Variants in DOCK9 observed in about 807,000 individuals in gnomAD.
DOCK9 encodes dedicator of cytokinesis 9, also known as dedicator of cytokinesis protein 9.
A neutral mutation model predicts 263.3 loss-of-function variants in DOCK9; 89 were observed. The ratio of observed to expected loss-of-function variants is 0.34; its 90% CI spans 0.28 to 0.40. DOCK9 has a LOEUF of 0.40. DOCK9 is among the 10% of genes least tolerant of loss of function. DOCK9 has a pLI of 1.00. For missense variants in DOCK9, 2,140 were observed against 2,603.4 expected, an observed-to-expected ratio of 0.82 and a Z score of 3.87; for synonymous variants, 976 against 973.1, an observed-to-expected ratio of 1.00 and a Z score of -0.06.
chr13:99,033,431 G>A (rs1887552429), intron 1 of DOCK9, among the ~76,000 whole-genome samples: 1 of 152,216 alleles, frequency 6.6e-6, no homozygotes, highest in South Asian at 2.1e-4. Flanking sequence ...TCATGCATGA[G>A]CGGGAATGCC....
chr13:98,932,353 C>A (rs1450150893), intron 2 of DOCK9, among the ~76,000 whole-genome samples: 5 of 152,144 alleles, frequency 3.3e-5, no homozygotes, highest in Non-Finnish European at 7.3e-5. Flanking sequence ...CAAGATGGTG[C>A]CACTGCATTC....
In DOCK9 at chr13:98,818,279, G is replaced by A. The variant is rs73555156; in HGVS notation, c.5130+6119C>T. Among the ~76,000 whole-genome samples, 1,180 of 152,234 alleles carry A rather than the reference G, an allele frequency of 7.8e-3. 21 individuals carry two copies. Among genetic ancestry groups the A allele is most frequent in the African/African-American group, 0.027 (1,129 of 41,532 alleles). ...GAATAGAAATAACTGGTAATCAACC[G>A]GCAGTTCAGTTTGAGAGACCATACA... On this transcript the variant is annotated intron_variant, in intron 45 of 52. Transcript: ENST00000682017.
chr13:98,846,478 C>A (rs745399896), intron 37 of DOCK9: 2 of 1,325,904 alleles, frequency 1.5e-6, no homozygotes, highest in South Asian at 2.3e-5. Flanking sequence ...AACAAACATG[C>A]AAAGGAAGGG....
At chr13:98,988,592 C>A (rs1350859997) in intron 1 of DOCK9, among the ~76,000 whole-genome samples, 2 of 152,192 alleles carry the variant, frequency 1.3e-5, no homozygotes, top group Non-Finnish European at 2.9e-5. Flanking sequence ...AAAATCAACA[C>A]CCATTTTTAA....
chr13:98,909,639 C>T (rs2049691064), intron 9 of DOCK9, among the ~76,000 whole-genome samples: 2 of 152,184 alleles, frequency 1.3e-5, no homozygotes, highest in Admixed American at 1.3e-4. Flanking sequence ...ATCCTCTTCA[C>T]AAAGGAGGCC....
At chr13:98,815,946 G>T (rs1594285160) in intron 45 of DOCK9, among the ~76,000 whole-genome samples, 2 of 152,162 alleles carry the variant, frequency 1.3e-5, no homozygotes, top group South Asian at 4.2e-4. Flanking sequence ...TAATAATCTG[G>T]TGCAATTTTA....
chr13:99,001,551 G>A (rs925940701), intron 1 of DOCK9, among the ~76,000 whole-genome samples: 14 of 152,330 alleles, frequency 9.2e-5, no homozygotes, highest in Non-Finnish European at 8.8e-5. Context: ...CAGAAGGCAC[G>A]CCTTAGGTGT....
chr13:98,843,503 G>A (rs1208292287), intron 38 of DOCK9, among the ~76,000 whole-genome samples: 1 of 152,174 alleles, frequency 6.6e-6, no homozygotes, highest in Non-Finnish European at 1.5e-5. Flanking sequence ...AATGAGAATT[G>A]GAGATGTAAA....
Position 98,898,278 on chromosome 13 carries a change from T to G in DOCK9, c.1504-17A>C. On this transcript the variant is annotated splice_polypyrimidine_tract_variant and intron_variant, in intron 13 of 52. Transcript: ENST00000682017. The stretch of plus-strand genomic sequence containing the variant: ...CTGGGCCACCTTGAAGACATGAGAA[T>G]AAAGCTATGAGATACTGCATCTCAC... The G allele has an allele frequency of 1.2e-6, 2 of 1,600,616 alleles. No homozygotes were observed. Among genetic ancestry groups the G allele is most frequent in the Non-Finnish European group, 1.7e-6 (2 of 1,170,766 alleles).
At chr13:98,850,250 G>A (rs923379257) in intron 35 of DOCK9, 137 bp from the exon 36 acceptor site, 25 of 561,786 alleles carry the variant, frequency 4.5e-5, no homozygotes, top group African/African-American at 2.6e-4. Flanking sequence ...CCCTTCCCCT[G>A]CCCTCTTTTA....
At chr13:99,013,592 G>A (rs1392669229) in intron 1 of DOCK9, among the ~76,000 whole-genome samples, 1 of 152,168 alleles carries the variant, frequency 6.6e-6, no homozygotes, top group Non-Finnish European at 1.5e-5. Context: ...GGGGTCACAG[G>A]AGCCTCACTG....
At chr13:98,916,532 C>T (rs970707012) in intron 7 of DOCK9, among the ~76,000 whole-genome samples, 10 of 152,174 alleles carry the variant, frequency 6.6e-5, no homozygotes, top group Admixed American at 2.0e-4. Flanking sequence ...ACAGGGCAAC[C>T]CTCCCAAAAG....
chr13:98,943,156 G>T (rs1439444837), intron 2 of DOCK9, among the ~76,000 whole-genome samples: 1 of 152,210 alleles, frequency 6.6e-6, no homozygotes, highest in African/African-American at 2.4e-5. Flanking sequence ...TCAGCTCCTG[G>T]GCTGCCATCC....
intron 1 of DOCK9, among the ~76,000 whole-genome samples, chr13:99,014,554 A>G (rs1389965090): frequency 6.6e-6 from 1 of 152,176 alleles, no homozygotes; most frequent in East Asian, 1.9e-4. Context: ...ATGGCATGCC[A>G]ATACCCCCTT....
chr13:98,867,200 T>C, intron 30 of DOCK9: 1 of 569,930 alleles, frequency 1.8e-6, no homozygotes, highest in Non-Finnish European at 3.1e-6. Flanking sequence ...GATTTTTCAA[T>C]GAAATAGCCA....
At chr13:99,033,234 A>G (rs1887532572) in intron 1 of DOCK9, among the ~76,000 whole-genome samples, 1 of 152,242 alleles carries the variant, frequency 6.6e-6, no homozygotes, top group Non-Finnish European at 1.5e-5. Context: ...GAGAAGGCAA[A>G]AAACAAATAT....
chr13:98,812,340 A>T (rs1411101900), intron 45 of DOCK9, among the ~76,000 whole-genome samples: 2 of 151,148 alleles, frequency 1.3e-5, no homozygotes, highest in Non-Finnish European at 2.9e-5. Flanking sequence ...GGATTTGACA[A>T]CTCACAGTCT....
chr13:98,900,862 A>G (rs1346195346), intron 13 of DOCK9, among the ~76,000 whole-genome samples: 1 of 152,232 alleles, frequency 6.6e-6, no homozygotes, highest in Non-Finnish European at 1.5e-5. Context: ...ATGGGCGCCC[A>G]TAGAGGTGAA....
intron 2 of DOCK9, chr13:98,949,730 G>T: frequency 3.3e-6 from 1 of 298,588 alleles, no homozygotes; most frequent in East Asian, 8.8e-5. Context: ...GGGTTCAGCT[G>T]GTGGATGAGC....
Sources: allele counts gnomAD v4.1 joint callset (sites outside exome capture counted in the v4.1 genomes callset), GRCh38; gene constraint gnomAD v4.1.1; transcripts MANE v1.5; gene names NCBI Gene and HGNC (gene_info 2026-07-23, HGNC 2026-07-21).